KANK1: variants seen among roughly 807,000 people sequenced by gnomAD.
The protein encoded by KANK1 is KN motif and ankyrin repeat domains 1.
Under a neutral mutation model 106.2 loss-of-function variants are expected in KANK1, and 109 were observed. The ratio of observed to expected loss-of-function variants is 1.03; its 90% CI spans 0.88 to 1.20. The LOEUF (loss-of-function observed/expected upper bound fraction) is 1.20. Ranked by LOEUF, KANK1 falls within the 50% of genes most tolerant of loss-of-function variation. KANK1 has a pLI of 0.00. For missense variants in KANK1, 2,399 were observed against 1,710.7 expected, an observed-to-expected ratio of 1.40 and a Z score of -7.10; for synonymous variants, 873 against 652.2, an observed-to-expected ratio of 1.34 and a Z score of -5.16.
chr9:645,607 C>T (rs948706186), intron 1 of KANK1, among the ~76,000 whole-genome samples: 39 of 150,492 alleles, frequency 2.6e-4, no homozygotes, highest in Admixed American at 2.1e-3. Context: ...TCAGGCTGGG[C>T]GTGGTGGCTC....
intron 1 of KANK1, among the ~76,000 whole-genome samples, chr9:582,716 G>T (rs1429930073): frequency 6.6e-6 from 1 of 152,182 alleles, no homozygotes; most frequent in Non-Finnish European, 1.5e-5. Context: ...ATAAAAATAT[G>T]CTGTCTTGAG....
chr9:671,623 A>AAAAAAAAAAAAAAAAAAAAAAAGAAG lies in KANK1; in HGVS notation c.-83-5263_-83-5262insAAAAAAAAAAAAAAAAAAGAAGAAAA, dbSNP rs79437342. On this transcript the variant is annotated intron_variant, in intron 1 of 11. Transcript: ENST00000382297. Reference sequence around the variant, plus strand: ...AGAGCGAAACTCCGTCTCAAAAAAAAAAAAGAGTGTACTGGTTAAGTACTG... The same window carrying AAAAAAAAAAAAAAAAAAAAAAAGAAG: ...AGAGCGAAACTCCGTCTCAAAAAAAAAAAAAAAAAAAAAAAAAAAAAAGAAGAAAAGAGTGTACTGGTTAAGTACTG... Among the ~76,000 whole-genome samples, 148 of 103,570 alleles carry AAAAAAAAAAAAAAAAAAAAAAAGAAG rather than the reference A, an allele frequency of 1.4e-3. 8 individuals carry two copies. Among genetic ancestry groups the AAAAAAAAAAAAAAAAAAAAAAAGAAG allele is most frequent in the African/African-American group, 6.3e-3 (141 of 22,476 alleles). The allele number at this position is 103,570 out of a possible 152,430, so 67.9% of individuals were successfully genotyped here.
At chr9:632,456 G>C (rs1041965073) in intron 1 of KANK1, among the ~76,000 whole-genome samples, 1 of 152,166 alleles carries the variant, frequency 6.6e-6, no homozygotes, top group African/African-American at 2.4e-5. Flanking sequence ...TAATTATTGA[G>C]AGCATGGAAA....
chr9:646,824 G>A (rs1839776771), intron 1 of KANK1, among the ~76,000 whole-genome samples: 1 of 149,942 alleles, frequency 6.7e-6, no homozygotes, highest in South Asian at 2.1e-4. Context: ...AAGCAGCTGG[G>A]ATGGGACTAC....
At chr9:540,833 T>C (rs1463524969) in intron 1 of KANK1, among the ~76,000 whole-genome samples, 1 of 152,248 alleles carries the variant, frequency 6.6e-6, no homozygotes, top group East Asian at 1.9e-4. Context: ...GTATCTTATA[T>C]AATCCTTTGT....
At chr9:725,683 G>C (rs1242260747) in intron 3 of KANK1, among the ~76,000 whole-genome samples, 2 of 152,124 alleles carry the variant, frequency 1.3e-5, no homozygotes, top group Non-Finnish European at 2.9e-5. Context: ...CAGAACTGCA[G>C]AATGATCTCC....
rs1223979082 is a variant in KANK1 at position 712,955 on chromosome 9, C to G, written c.2189C>G (p.Ser730Cys). Residue 730 changes from serine to cysteine, a missense_variant, in exon 3 of 12, where the codon TCC (serine) becomes TGC (cysteine). Ser to Cys is a moderately radical substitution (Grantham distance 112, BLOSUM62 -1). Transcript: ENST00000382297. ...GGCCGTGTCAAGGACATCAACTCCT[C>G]CACCAAGACGCGGTCCATTGGTGTT... Reference protein sequence around the residue: ...GEGRVKDINSSTKTRSIGVGT... With the variant: ...GEGRVKDINSCTKTRSIGVGT... 2.5e-6 allele frequency: 4 copies of G among 1,614,214 alleles called. No individual in the cohort carries two copies. In the East Asian group the frequency reaches 8.9e-5, roughly 36 times the overall value.
intron 1 of KANK1, among the ~76,000 whole-genome samples, chr9:600,222 C>G (rs892783219): frequency 6.6e-6 from 1 of 151,744 alleles, no homozygotes; most frequent in Non-Finnish European, 1.5e-5. Flanking sequence ...CCCCTGGCAG[C>G]CATTCTACTT....
rs1177860584 is a variant in KANK1, at chr9:712,973, T to C, written c.2207T>C (p.Ile736Thr). Residue 736 changes from isoleucine to threonine, a missense_variant, in exon 3 of 12, where the codon ATT (isoleucine) becomes ACT (threonine). Coordinates refer to ENST00000382297, the MANE Select transcript of KANK1 (RefSeq NM_015158.5). ...DINSSTKTRS[I>T]GVGTLLSGHS... ...AACTCCTCCACCAAGACGCGGTCCA[T>C]TGGTGTTGGAACGTTGCTTTCTGGC... The C allele has an allele frequency of 7.4e-6, 12 of 1,613,974 alleles. No homozygotes were observed. Among genetic ancestry groups the C allele is most frequent in the Admixed American group, 5.0e-5 (3 of 59,994 alleles).
intron 1 of KANK1, chr9:549,663 TTCC>T (rs2061153053): frequency 1.3e-5 from 2 of 152,562 alleles, no homozygotes; most frequent in African/African-American, 4.8e-5. Context: ...AAGCCACCTT[TTCC>T]TCCCTCTGCC....
At chr9:516,998 TACACACAC>T (rs148954863) in intron 1 of KANK1, among the ~76,000 whole-genome samples, 9 of 145,560 alleles carry the variant, frequency 6.2e-5, no homozygotes, top group East Asian at 6.1e-4. Context: ...CATCACCCTC[TACACACAC>T]ACACACACAC....
At chr9:637,054 C>T (rs913068813) in intron 1 of KANK1, among the ~76,000 whole-genome samples, 6 of 152,098 alleles carry the variant, frequency 3.9e-5, no homozygotes, top group African/African-American at 1.4e-4. Flanking sequence ...CAGTTATGTG[C>T]CCCTTCTCTC....
chr9:660,358 T>G, intron 1 of KANK1: 1 of 188,424 alleles, frequency 5.3e-6, no homozygotes, highest in South Asian at 1.1e-4. Flanking sequence ...TGAATGAGGT[T>G]TTCCTTGCAA....
chr9:485,882 A>G (rs938356983), intron 3 of KANK1, among the ~76,000 whole-genome samples: 6 of 150,950 alleles, frequency 4.0e-5, no homozygotes, highest in African/African-American at 7.3e-5. Context: ...AAAAAAAAAA[A>G]AAAAGAAAAG....
At chr9:572,788 T>G (rs776417042) in intron 1 of KANK1, among the ~76,000 whole-genome samples, 4 of 152,214 alleles carry the variant, frequency 2.6e-5, no homozygotes, top group Non-Finnish European at 4.4e-5. Flanking sequence ...ACTCATGAGT[T>G]AAAACATCGC....
chr9:698,134 G>T (rs1239692172), intron 2 of KANK1, among the ~76,000 whole-genome samples: 2 of 152,148 alleles, frequency 1.3e-5, no homozygotes, highest in Non-Finnish European at 2.9e-5. Context: ...GGTCAGATGC[G>T]GGTGGATAGG....
chr9:739,845 A>G (rs979538744), intron 8 of KANK1, among the ~76,000 whole-genome samples: 1 of 151,968 alleles, frequency 6.6e-6, no homozygotes, highest in Non-Finnish European at 1.5e-5. Flanking sequence ...GCATCTATGC[A>G]GAGCAGAGTC....
chr9:490,455 G>C (rs2058359444), intron 3 of KANK1, among the ~76,000 whole-genome samples: 2 of 152,212 alleles, frequency 1.3e-5, no homozygotes, highest in African/African-American at 4.8e-5. Flanking sequence ...GCTGCAGTGA[G>C]CCATGATTGT....
intron 10 of KANK1, 59 bp downstream of exon 10, chr9:742,464 C>G: frequency 7.2e-7 from 1 of 1,394,890 alleles, no homozygotes; most frequent in South Asian, 1.3e-5. Flanking sequence ...GACGGGAGCT[C>G]TGGGAGTGCC....
Sources: allele counts gnomAD v4.1 joint callset (sites outside exome capture counted in the v4.1 genomes callset), GRCh38; gene constraint gnomAD v4.1.1; transcripts MANE v1.5; gene names NCBI Gene and HGNC (gene_info 2026-07-23, HGNC 2026-07-21).